Variants in SUMF1 observed in about 807,000 individuals in gnomAD.
SUMF1 encodes the protein sulfatase modifying factor 1.
A neutral mutation model predicts 47.6 loss-of-function variants in SUMF1; 48 were observed. The observed-to-expected ratio is 1.01, with a 90% CI of 0.80 to 1.28. SUMF1 has a LOEUF of 1.28. Ranked by LOEUF, SUMF1 falls within the 50% of genes most tolerant of loss-of-function variation. The pLI is 0.00. For synonymous variants in SUMF1, 230 were observed against 192.1 expected (o/e 1.20, Z -1.63); for missense variants, 571 against 485.4 (o/e 1.18, Z -1.66).
At chr3:4,252,255 T>A (rs1039621607) in intron 8 of SUMF1, among the ~76,000 whole-genome samples, 3 of 152,082 alleles carry the variant, frequency 2.0e-5, no homozygotes, top group African/African-American at 7.2e-5. Flanking sequence ...GCTACATAAG[T>A]GTCATTTCTA....
chr3:4,189,898 G>T (rs924803987), intron 8 of SUMF1, among the ~76,000 whole-genome samples: 1 of 152,014 alleles, frequency 6.6e-6, no homozygotes, highest in Admixed American at 6.6e-5. Context: ...TGCCTTTTCT[G>T]CCTCATGTAA....
Position 4,414,489 on chromosome 3 carries a change from G to A in SUMF1, c.840+2639C>T, listed in dbSNP as rs534226083. On this transcript the variant is annotated intron_variant, in intron 6 of 8. Coordinates refer to ENST00000272902, the MANE Select transcript of SUMF1 (RefSeq NM_182760.4). ...AGCTTAGGTGGACTTGAGATACTACGTGTAAACGATTGCCATAAGATAGAG... is the reference window on the plus strand; with the variant it reads ...AGCTTAGGTGGACTTGAGATACTACATGTAAACGATTGCCATAAGATAGAG... 6 of 152,316 alleles carry A rather than the reference G, an allele frequency of 3.9e-5. No homozygotes were observed. The South Asian group carries it at 1.2e-3, about 32-fold the overall frequency. 9.4% of individuals were successfully genotyped at this position (152,316 alleles called of 1,614,324 possible).
intron 3 of SUMF1, among the ~76,000 whole-genome samples, chr3:4,435,823 C>G (rs1336325296): frequency 1.3e-5 from 2 of 152,002 alleles, no homozygotes; most frequent in Non-Finnish European, 2.9e-5. Context: ...TGAAGAAAAA[C>G]TAAGAGAATT....
intron 3 of SUMF1, among the ~76,000 whole-genome samples, chr3:4,433,228 G>A (rs1339560726): frequency 1.3e-5 from 2 of 152,146 alleles, no homozygotes; most frequent in Non-Finnish European, 2.9e-5. Context: ...CTTAATCTAA[G>A]TTAGGCCTCA....
intron 8 of SUMF1, among the ~76,000 whole-genome samples, chr3:4,114,420 C>T (rs1250768136): frequency 6.6e-6 from 1 of 152,116 alleles, no homozygotes; most frequent in Admixed American, 6.5e-5. Flanking sequence ...AGGCAAGCTG[C>T]TAGAAAAATA....
rs759135878 is a variant in SUMF1 at position 4,313,220 on chromosome 3, C to T, written c.1014+63110G>A. ...GGACTTCGTACCTTGGAATTTATAC[C>T]GAAAGGAAGGTTTGTCTGTGAATAT... On this transcript the variant is annotated intron_variant and NMD_transcript_variant, in intron 8 of 12. Coordinates refer to the SUMF1 transcript ENST00000448413. The T allele has an allele frequency of 2.0e-5, 32 of 1,613,688 alleles. 1 individual carries two copies. In the Middle Eastern group the frequency reaches 6.6e-4, roughly 33 times the overall value.
chr3:4,126,329 A>G (rs532535400), intron 8 of SUMF1, among the ~76,000 whole-genome samples: 1 of 151,362 alleles, frequency 6.6e-6, no homozygotes, highest in South Asian at 2.1e-4. Context: ...TGACAGCTTT[A>G]TTTCTTCTAT....
At chr3:4,128,677 GAA>G (rs1693715552) in intron 8 of SUMF1, among the ~76,000 whole-genome samples, 1 of 152,140 alleles carries the variant, frequency 6.6e-6, no homozygotes, top group African/African-American at 2.4e-5. Context: ...CACTCAAAAA[GAA>G]CTGCTTGAGT....
intron 8 of SUMF1, among the ~76,000 whole-genome samples, chr3:4,139,723 G>A (rs1196039151): frequency 6.6e-6 from 1 of 151,610 alleles, no homozygotes. Flanking sequence ...AAGTCTAGCT[G>A]CACAATTGCC....
At chr3:4,310,738 GA>G (rs1395136853) in intron 8 of SUMF1, among the ~76,000 whole-genome samples, 1 of 151,904 alleles carries the variant, frequency 6.6e-6, no homozygotes, top group African/African-American at 2.4e-5. Context: ...TTCCTGATTA[GA>G]AAACTGCAGT....
At chr3:4,338,805 CAG>C (rs1699207623) in intron 8 of SUMF1, among the ~76,000 whole-genome samples, 1 of 152,006 alleles carries the variant, frequency 6.6e-6, no homozygotes, top group Non-Finnish European at 1.5e-5. Context: ...ACCTAGTACA[CAG>C]AGTCTTTCAT....
At chr3:4,098,163 C>T (rs1181118227) in intron 8 of SUMF1, among the ~76,000 whole-genome samples, 1 of 152,072 alleles carries the variant, frequency 6.6e-6, no homozygotes, top group African/African-American at 2.4e-5. Context: ...AGTAGTGGGA[C>T]ATCAGAATAA....
At chr3:4,458,585 G>T (rs1453729468) in intron 1 of SUMF1, among the ~76,000 whole-genome samples, 1 of 152,164 alleles carries the variant, frequency 6.6e-6, no homozygotes, top group Non-Finnish European at 1.5e-5. Flanking sequence ...GCCAGGTGCG[G>T]AGGCTCACGC....
In SUMF1 at chr3:4,467,033, C is replaced by T. The variant is rs1286492234; in HGVS notation, c.213G>A (p.Ser71=). 2 of 1,581,430 alleles carry T rather than the reference C, an allele frequency of 1.3e-6. No homozygotes were observed. The highest frequency in any genetic ancestry group is 2.3e-5 in the East Asian group (1 of 43,222). ...HGSSAAAHRY[S]REANAPGPVP... ...CGGGGCCCGGAGCGTTAGCCTCCCG[C>T]GAGTATCGGTGAGCGGCTGCCGAAC... is the stretch of plus-strand genomic sequence containing the variant. Residue 71 remains serine, a synonymous_variant, in exon 1 of 9, where the codon TCG becomes TCA. Transcript: ENST00000272902.
chr3:4,271,685 G>T (rs1031838087), intron 8 of SUMF1, among the ~76,000 whole-genome samples: 1 of 152,062 alleles, frequency 6.6e-6, no homozygotes, highest in Non-Finnish European at 1.5e-5. Context: ...TTATTTTGTA[G>T]AGACAGGGGT....
rs372715729 is a variant in SUMF1, at chr3:4,082,387, T to C, written c.1015-13642A>G. 9.1e-4 allele frequency among the ~76,000 whole-genome samples: 139 copies of C among 152,240 alleles called. 2 individuals carry two copies. The highest frequency in any genetic ancestry group is 3.3e-3 in the African/African-American group (135 of 41,536). On this transcript the variant is annotated intron_variant and NMD_transcript_variant, in intron 8 of 12. Transcript: ENST00000448413. ...GAGAGGCTGAATTGGGAGAATCGCT[T>C]GAGCCTGGGAGGTCGAGGCTGCAAT...
chr3:4,178,622 A>G (rs961962026), intron 8 of SUMF1, among the ~76,000 whole-genome samples: 1 of 152,202 alleles, frequency 6.6e-6, no homozygotes, highest in African/African-American at 2.4e-5. Flanking sequence ...TCCCTTTGAA[A>G]ACTGGCACAA....
At chr3:4,278,625 C>T (rs368773295) in intron 8 of SUMF1, among the ~76,000 whole-genome samples, 1 of 151,956 alleles carries the variant, frequency 6.6e-6, no homozygotes, top group Non-Finnish European at 1.5e-5. Context: ...CAACAGAAAC[C>T]GTTTAGACAT....
chr3:4,240,801 A>G (rs1387236651), intron 8 of SUMF1, among the ~76,000 whole-genome samples: 1 of 151,840 alleles, frequency 6.6e-6, no homozygotes, highest in East Asian at 1.9e-4. Context: ...TGTAGGTTAT[A>G]TTTTATTTTT....
Sources: gnomAD v4.1 joint callset for allele counts (sites outside exome capture counted in the v4.1 genomes callset) on GRCh38, gnomAD v4.1.1 for gene constraint, MANE v1.5 for transcripts, NCBI Gene and HGNC (gene_info 2026-07-23, HGNC 2026-07-21) for gene names.